The following LRMDA variants were observed in gnomAD, a reference collection of about 807,000 sequenced individuals.
LRMDA encodes the protein leucine rich melanocyte differentiation associated.
LRMDA carries 18 observed loss-of-function variants against 29.8 expected under a neutral mutation model. That is an observed-to-expected ratio of 0.60 (90% confidence interval 0.42 to 0.90). LRMDA has a LOEUF of 0.90. Among genes scored for constraint, LRMDA ranks in the 40% least tolerant of loss-of-function variants. The probability of loss-of-function intolerance (pLI) is 0.00; values close to 1 mark genes in which losing one functional copy is unlikely to be tolerated. For synonymous variants in LRMDA, 125 were observed against 109.4 expected, an observed-to-expected ratio of 1.14 and a Z score of -0.89; for missense variants, 273 against 273.9, an observed-to-expected ratio of 1.00 and a Z score of 0.02.
chr10:75,598,978 A>G (rs1840843989), intron 2 of LRMDA, among the ~76,000 whole-genome samples: 2 of 152,122 alleles, frequency 1.3e-5, no homozygotes, highest in South Asian at 4.1e-4. Context: ...TTCCTTGTCC[A>G]TCAGGTGGCA....
At chr10:75,575,966 GT>G (rs796940224) in intron 2 of LRMDA, among the ~76,000 whole-genome samples, 3,795 of 141,464 alleles carry the variant, frequency 0.027, 136 homozygotes, top group African/African-American at 0.088. Context: ...AGCCACAGGA[GT>G]TTTTTTTTTT....
chr10:75,903,783 G>C (rs1027780490), intron 2 of LRMDA, among the ~76,000 whole-genome samples: 1 of 152,170 alleles, frequency 6.6e-6, no homozygotes, highest in Admixed American at 6.5e-5. Context: ...ATGTGGGGCC[G>C]GGTGCCTGGT....
In LRMDA at chr10:76,171,836, G is replaced by A. The variant is rs192411881; in HGVS notation, c.516+113053G>A. Among the ~76,000 whole-genome samples, 22 of 152,280 alleles carry A rather than the reference G, an allele frequency of 1.4e-4. No individual in the cohort carries two copies. In the South Asian group the frequency reaches 1.9e-3, roughly 13 times the overall value. On this transcript the variant is annotated intron_variant, in intron 5 of 6. Transcript: ENST00000611255. ...ACCAGACAAAATATATGAAACAACA[G>A]TGTCTTAGTCTGGTTAGTGTCGCTC... is the stretch of plus-strand genomic sequence containing the variant.
chr10:76,282,492 C>T lies in LRMDA; in HGVS notation c.517-41909C>T, dbSNP rs1292475438. On this transcript the variant is annotated intron_variant, in intron 5 of 6. Coordinates refer to ENST00000611255, the MANE Select transcript of LRMDA (RefSeq NM_001305581.2). ...CACGATCCATAGCCTGCCAGAGAGG[C>T]GCTGGTGGAGGTCTATGATAACAAA... Among the ~76,000 whole-genome samples the T allele has an allele frequency of 3.3e-5, 5 of 152,198 alleles. No homozygotes were observed. The East Asian group carries it at 7.7e-4, about 23-fold the overall frequency.
chr10:75,688,353 C>A (rs1842106946), intron 2 of LRMDA, among the ~76,000 whole-genome samples: 9 of 152,108 alleles, frequency 5.9e-5, no homozygotes, highest in Admixed American at 5.2e-4. Context: ...GATTTTAAAC[C>A]TCATGGGTGA....
intron 5 of LRMDA, among the ~76,000 whole-genome samples, chr10:76,074,510 TA>T (rs1457878830): frequency 1.3e-5 from 2 of 152,172 alleles, no homozygotes; most frequent in African/African-American, 4.8e-5. Flanking sequence ...ATGGCCTGTT[TA>T]AATAAGAAAG....
At chr10:76,363,004 G>A (rs1841329773) in intron 6 of LRMDA, among the ~76,000 whole-genome samples, 1 of 150,762 alleles carries the variant, frequency 6.6e-6, no homozygotes, top group Non-Finnish European at 1.5e-5. Context: ...ACTTCCATGA[G>A]CTTTACTCAA....
intron 2 of LRMDA, among the ~76,000 whole-genome samples, chr10:75,668,180 C>T (rs953937104): frequency 3.9e-5 from 6 of 152,184 alleles, no homozygotes; most frequent in Admixed American, 2.0e-4. Flanking sequence ...CTCTTGCCCT[C>T]CCATCGCTTT....
chr10:76,335,698 A>T (rs1840959388), intron 6 of LRMDA, among the ~76,000 whole-genome samples: 1 of 152,070 alleles, frequency 6.6e-6, no homozygotes, highest in Admixed American at 6.5e-5. Context: ...TAGATTTAAA[A>T]TTTTTCTGAT....
At chr10:75,652,936 G>T (rs1841618424) in intron 2 of LRMDA, among the ~76,000 whole-genome samples, 1 of 152,172 alleles carries the variant, frequency 6.6e-6, no homozygotes, top group Non-Finnish European at 1.5e-5. Context: ...TCCCTCCTCT[G>T]CTAGAGAAGT....
intron 2 of LRMDA, among the ~76,000 whole-genome samples, chr10:75,703,461 C>G (rs1842332019): frequency 6.6e-6 from 1 of 152,208 alleles, no homozygotes; most frequent in Non-Finnish European, 1.5e-5. Flanking sequence ...TGTTGTAAAG[C>G]AACAAAGTGT....
intron 2 of LRMDA, among the ~76,000 whole-genome samples, chr10:75,710,808 G>A (rs1010178672): frequency 6.6e-6 from 1 of 152,226 alleles, no homozygotes; most frequent in Admixed American, 6.5e-5. Context: ...GGGTGAATCT[G>A]CCTGGCTTAG....
intron 5 of LRMDA, among the ~76,000 whole-genome samples, chr10:76,076,271 A>C (rs1172697561): frequency 7.4e-6 from 1 of 134,994 alleles, no homozygotes; most frequent in Non-Finnish European, 1.5e-5. Context: ...TGAACCCAGG[A>C]GGCGGAGCTT....
intron 2 of LRMDA, among the ~76,000 whole-genome samples, chr10:75,609,899 A>G (rs1841006480): frequency 6.6e-6 from 1 of 152,140 alleles, no homozygotes; most frequent in Admixed American, 6.5e-5. Context: ...CCAATAAGGG[A>G]AAGAATGCCC....
intron 5 of LRMDA, among the ~76,000 whole-genome samples, chr10:76,244,881 G>A (rs758018209): frequency 2.0e-5 from 3 of 152,140 alleles, no homozygotes; most frequent in Non-Finnish European, 2.9e-5. Flanking sequence ...GCATGAGAAC[G>A]ATGAGAAAAA....
intron 6 of LRMDA, among the ~76,000 whole-genome samples, chr10:76,393,255 C>G (rs1159362059): frequency 6.6e-6 from 1 of 152,024 alleles, no homozygotes; most frequent in African/African-American, 2.4e-5. Context: ...TGAGGAATCT[C>G]CATACTGTTT....
rs1394899564 is a variant in LRMDA, at chr10:76,499,031, C to T, written c.602-58178C>T. 2.7e-5 allele frequency among the ~76,000 whole-genome samples: 2 copies of T among 74,930 alleles called. 1 individual carries two copies. The highest frequency in any genetic ancestry group is 8.9e-5 in the Non-Finnish European group (2 of 22,586). The allele number at this position is 74,930 out of a possible 152,430, so 49.2% of individuals were successfully genotyped here. A position where few individuals can be genotyped will look rare whatever the true frequency, so the allele number is the denominator to read the frequency against. On this transcript the variant is annotated intron_variant, in intron 6 of 6. Transcript: ENST00000611255. Reference sequence around the variant, plus strand: ...GCATGATCATCATCATCATCATTGGCCGCATTTTTAGAGAATTTGCTATGT... The same window carrying T: ...GCATGATCATCATCATCATCATTGGTCGCATTTTTAGAGAATTTGCTATGT...
intron 2 of LRMDA, among the ~76,000 whole-genome samples, chr10:75,639,292 A>T (rs1841424606): frequency 6.6e-6 from 1 of 152,172 alleles, no homozygotes; most frequent in African/African-American, 2.4e-5. Context: ...GTTTGTGGCA[A>T]GGCTAAGTGT....
At chr10:75,967,069 A>G (rs1181519394) in intron 2 of LRMDA, among the ~76,000 whole-genome samples, 1 of 152,216 alleles carries the variant, frequency 6.6e-6, no homozygotes, top group African/African-American at 2.4e-5. Context: ...TGGGGTAGTC[A>G]GTACAAGTTT....
Sources: gnomAD v4.1 joint callset for allele counts (sites outside exome capture counted in the v4.1 genomes callset) on GRCh38, gnomAD v4.1.1 for gene constraint, MANE v1.5 for transcripts, NCBI Gene and HGNC (gene_info 2026-07-23, HGNC 2026-07-21) for gene names.